Variants in CADM2 observed in about 807,000 individuals in gnomAD.
CADM2 encodes cell adhesion molecule 2.
Under a neutral mutation model 49.8 loss-of-function variants are expected in CADM2, and 12 were observed. The ratio of observed to expected loss-of-function variants is 0.24; its 90% CI spans 0.15 to 0.39. The LOEUF is 0.39. Ranked by LOEUF, CADM2 falls within the 10% of genes least tolerant of loss-of-function variation. The pLI is 1.00. For synonymous variants in CADM2, 214 were observed against 175.4 expected, an observed-to-expected ratio of 1.22 and a Z score of -1.74; for missense variants, 378 against 492.3, an observed-to-expected ratio of 0.77 and a Z score of 2.20.
chr3:85,679,224 C>T (rs1005185907), intron 1 of CADM2, among the ~76,000 whole-genome samples: 22 of 152,222 alleles, frequency 1.4e-4, no homozygotes, highest in African/African-American at 4.6e-4. Context: ...CCAGGGAAGA[C>T]TCTTCGAGAA....
At chr3:85,429,554 G>C (rs1197876939) in intron 1 of CADM2, among the ~76,000 whole-genome samples, 1 of 151,874 alleles carries the variant, frequency 6.6e-6, no homozygotes, top group Non-Finnish European at 1.5e-5. Context: ...TGAAATGGTT[G>C]GTTATATTCA....
intron 1 of CADM2, among the ~76,000 whole-genome samples, chr3:85,382,263 T>C (rs1280705043): frequency 6.6e-6 from 1 of 152,156 alleles, no homozygotes; most frequent in Non-Finnish European, 1.5e-5. Flanking sequence ...GAGAAGTGCT[T>C]ATATAGTTCT....
chr3:85,486,269 T>G (rs2039411421), intron 1 of CADM2, among the ~76,000 whole-genome samples: 1 of 151,844 alleles, frequency 6.6e-6, no homozygotes, highest in Non-Finnish European at 1.5e-5. Flanking sequence ...TAATTTATAT[T>G]GCAAAGGTAT....
intron 1 of CADM2, among the ~76,000 whole-genome samples, chr3:85,107,586 T>A (rs887929321): frequency 9.1e-5 from 6 of 66,112 alleles, no homozygotes; most frequent in Admixed American, 6.2e-4. Flanking sequence ...CTTTCTTTCT[T>A]TTCTTTCTTT....
intron 1 of CADM2, among the ~76,000 whole-genome samples, chr3:85,441,976 C>T (rs993290465): frequency 6.6e-6 from 1 of 151,910 alleles, no homozygotes; most frequent in Non-Finnish European, 1.5e-5. Context: ...GAGACAGATA[C>T]CTGATTAAGT....
At chr3:86,063,841 T>G (rs576888503) in intron 8 of CADM2, among the ~76,000 whole-genome samples, 15 of 152,224 alleles carry the variant, frequency 9.9e-5, no homozygotes, top group African/African-American at 3.4e-4. Flanking sequence ...AAATTATAAA[T>G]AGCTATCCTG....
intron 1 of CADM2, among the ~76,000 whole-genome samples, chr3:85,692,468 G>T (rs557670195): frequency 1.3e-5 from 2 of 152,282 alleles, no homozygotes; most frequent in South Asian, 4.1e-4. Flanking sequence ...ATGTAGCTAG[G>T]TGTCATGTAG....
intron 1 of CADM2, among the ~76,000 whole-genome samples, chr3:85,140,480 A>C (rs1354667335): frequency 6.6e-6 from 1 of 152,166 alleles, no homozygotes; most frequent in Non-Finnish European, 1.5e-5. Flanking sequence ...TCTTAGAATA[A>C]ATATTTAAAA....
At chr3:85,153,635 A>G (rs1166145340) in intron 1 of CADM2, among the ~76,000 whole-genome samples, 1 of 152,156 alleles carries the variant, frequency 6.6e-6, no homozygotes, top group Non-Finnish European at 1.5e-5. Flanking sequence ...CTCTGGGGGC[A>G]GGGCACAGAC....
intron 1 of CADM2, among the ~76,000 whole-genome samples, chr3:85,314,834 T>G (rs1251687726): frequency 6.6e-6 from 1 of 152,170 alleles, no homozygotes; most frequent in Non-Finnish European, 1.5e-5. Context: ...AAATAAATAG[T>G]TGTTGCATTC....
intron 1 of CADM2, among the ~76,000 whole-genome samples, chr3:85,064,863 TAACAG>T: frequency 6.6e-6 from 1 of 152,180 alleles, no homozygotes; most frequent in African/African-American, 2.4e-5. Flanking sequence ...TTTAAAAATC[TAACAG>T]GCACTGTGCA....
chr3:85,403,207 C>T (rs1232593931), intron 1 of CADM2, among the ~76,000 whole-genome samples: 4 of 152,012 alleles, frequency 2.6e-5, no homozygotes, highest in Admixed American at 6.6e-5. Flanking sequence ...ATGATGATTT[C>T]GTATTGTTCA....
intron 3 of CADM2, among the ~76,000 whole-genome samples, chr3:85,818,947 A>G (rs1252292205): frequency 4.0e-5 from 6 of 151,536 alleles, no homozygotes; most frequent in Admixed American, 3.9e-4. Flanking sequence ...TCACATGATC[A>G]CCAGATGAAG....
chr3:85,670,016 C>A (rs944247797), intron 1 of CADM2, among the ~76,000 whole-genome samples: 3 of 151,978 alleles, frequency 2.0e-5, no homozygotes, highest in Admixed American at 1.3e-4. Context: ...CTCAATTTCT[C>A]CCCCTGGGTT....
intron 1 of CADM2, among the ~76,000 whole-genome samples, chr3:85,456,315 G>C (rs1359559087): frequency 6.6e-6 from 1 of 152,090 alleles, no homozygotes; most frequent in Admixed American, 6.6e-5. Flanking sequence ...CTCTGACCCT[G>C]TATCTACTTG....
intron 1 of CADM2, among the ~76,000 whole-genome samples, chr3:85,365,501 CA>C (rs779660548): frequency 4.8e-4 from 73 of 152,156 alleles, no homozygotes; most frequent in Admixed American, 7.2e-4. Flanking sequence ...CCTTGGTTGA[CA>C]GAGAGATTAC....
intron 1 of CADM2, among the ~76,000 whole-genome samples, chr3:85,568,913 G>A (rs912360655): frequency 6.6e-6 from 1 of 151,982 alleles, no homozygotes; most frequent in Non-Finnish European, 1.5e-5. Context: ...TTTAAAGTTT[G>A]CACTCCTCTC....
intron 1 of CADM2, among the ~76,000 whole-genome samples, chr3:85,289,976 A>G (rs938888391): frequency 1.3e-5 from 2 of 152,186 alleles, no homozygotes; most frequent in Non-Finnish European, 2.9e-5. Flanking sequence ...GTCTACAGCT[A>G]CCAGCGTGAG....
intron 1 of CADM2, among the ~76,000 whole-genome samples, chr3:85,702,597 G>A (rs761969655): frequency 3.0e-4 from 45 of 152,054 alleles, no homozygotes; most frequent in Non-Finnish European, 4.1e-4. Context: ...TTAGATATTC[G>A]TATAACAAGA....
Sources: gnomAD v4.1 joint callset for allele counts (sites outside exome capture counted in the v4.1 genomes callset) on GRCh38, gnomAD v4.1.1 for gene constraint, MANE v1.5 for transcripts, NCBI Gene and HGNC (gene_info 2026-07-23, HGNC 2026-07-21) for gene names.